The following PRKCSH variants were observed in gnomAD, a reference collection of about 807,000 sequenced individuals.
The protein encoded by PRKCSH is PRKCSH beta subunit of glucosidase II, also known as glucosidase 2 subunit beta.
Under a neutral mutation model 79.7 loss-of-function variants are expected in PRKCSH, and 42 were observed. The ratio of observed to expected loss-of-function variants is 0.53; its 90% confidence interval spans 0.41 to 0.68. The LOEUF is 0.68. Ranked by LOEUF, PRKCSH falls within the 30% of genes least tolerant of loss-of-function variation. PRKCSH has a pLI of 0.00. For synonymous variants in PRKCSH, 325 were observed against 288.2 expected, an observed-to-expected ratio of 1.13 and a Z score of -1.29; for missense variants, 686 against 709.0, an observed-to-expected ratio of 0.97 and a Z score of 0.37.
Position 11,438,144 on chromosome 19 carries a change from C to G in PRKCSH, c.350+20C>G, listed in dbSNP as rs1275204933. 2 of 1,612,988 alleles carry G rather than the reference C, an allele frequency of 1.2e-6. No individual in the cohort carries two copies. Among genetic ancestry groups the G allele is most frequent in the African/African-American group, 1.3e-5 (1 of 74,878 alleles). On this transcript the variant is annotated intron_variant, in intron 5 of 17. Transcript: ENST00000677123. ...CTGCAAGTACGTGGGTGACAGTACCCCTCCCATCACCCCACCCCAAGACTT... is the reference window on the plus strand; with the variant it reads ...CTGCAAGTACGTGGGTGACAGTACCGCTCCCATCACCCCACCCCAAGACTT...
At chr19:11,440,033 TA>T (rs1568363038) in intron 5 of PRKCSH, among the ~76,000 whole-genome samples, 4 of 150,132 alleles carry the variant, frequency 2.7e-5, no homozygotes, top group African/African-American at 9.8e-5. Flanking sequence ...TGCAGTGAGC[TA>T]AAAAGTAAAA....
intron 7 of PRKCSH, among the ~76,000 whole-genome samples, chr19:11,444,206 G>GTGT (rs1970192369): frequency 6.6e-6 from 1 of 152,200 alleles, no homozygotes; most frequent in African/African-American, 2.4e-5. Flanking sequence ...AATCTTTGTC[G>GTGT]TGTTGCAAGC....
chr19:11,448,796 T>C lies in PRKCSH; in HGVS notation c.1287-118T>C, dbSNP rs1970447503. The C allele has an allele frequency of 7.2e-7, 1 of 1,397,258 alleles. No individual in the cohort carries two copies. Among genetic ancestry groups the C allele is most frequent in the African/African-American group, 1.4e-5 (1 of 70,612 alleles). 86.6% of individuals were successfully genotyped at this position (1,397,258 alleles called of 1,614,324 possible). A position where few individuals can be genotyped will look rare whatever the true frequency, so the allele number is the denominator to read the frequency against. Reference sequence around the variant, plus strand: ...AGAAGCCAGGGGCCAGGTTTAGGGTTGGTCATTGGAGTTGGAGGTACCCTG... The same window carrying C: ...AGAAGCCAGGGGCCAGGTTTAGGGTCGGTCATTGGAGTTGGAGGTACCCTG... On this transcript the variant is annotated intron_variant, in intron 14 of 17. Coordinates refer to ENST00000677123, the MANE Select transcript of PRKCSH (RefSeq NM_001289104.2). The surrounding 1 kb of genome is among the most constrained non-coding windows in gnomAD (Gnocchi z 4.4).
chr19:11,435,937 A>G (rs755967581), intron 1 of PRKCSH, 104 bp from the exon 2 acceptor site: 53 of 978,214 alleles, frequency 5.4e-5, no homozygotes, highest in Non-Finnish European at 8.2e-5. Flanking sequence ...CCTCGCCCCC[A>G]TATCGGAAAC....
At position 11,448,274 on chromosome 19, in the gene PRKCSH, C is replaced by A; in HGVS notation, c.1179C>A (p.Asp393Glu). The stretch of plus-strand genomic sequence containing the variant: ...AGGAGGCCGAGCGGTCGCTGAAGGA[C>A]ATGGAGGAGTCCATCAGGTAGCGGG... ...KFEEAERSLKDMEESIRNLEQ... is the reference protein window; with the variant it reads ...KFEEAERSLKEMEESIRNLEQ... Residue 393 changes from aspartate to glutamate, a missense_variant, in exon 13 of 18, where the codon GAC becomes GAA. Physicochemically the swap from Asp to Glu is conservative, Grantham distance 45 (BLOSUM62 2). Coordinates refer to ENST00000677123, the MANE Select transcript of PRKCSH (RefSeq NM_001289104.2). This position sits in a 1 kb window ranked among gnomAD's most constrained non-coding sequence, Gnocchi z 4.4. 6.4e-7 allele frequency: 1 copy of A among 1,573,230 alleles called. No homozygotes were observed. Among genetic ancestry groups the A allele is most frequent in the Admixed American group, 1.9e-5 (1 of 53,578 alleles).
At position 11,447,608 on chromosome 19, in the gene PRKCSH, A is replaced by G. The variant is rs756542157; in HGVS notation, c.1019A>G (p.Glu340Gly). The change falls in exon 11 of 18, where the codon GAG becomes GGG. Residue 340 changes from glutamate to glycine, a missense_variant. Glu to Gly is a moderately conservative substitution (Grantham distance 98). Coordinates refer to ENST00000677123, the MANE Select transcript of PRKCSH (RefSeq NM_001289104.2). This position sits in a 1 kb window ranked among gnomAD's most constrained non-coding sequence, Gnocchi z 5.6. ...EEEEDSEVQG[E>G]QPKEAPPPLS... ...GAGGAGGATTCCGAGGTGCAGGGGGAGCAGCCCAAGGTCCGTGTTTGGGGG... is the reference window on the plus strand; with the variant it reads ...GAGGAGGATTCCGAGGTGCAGGGGGGGCAGCCCAAGGTCCGTGTTTGGGGG... 6.3e-7 allele frequency: 1 copy of G among 1,586,824 alleles called. No homozygotes were observed. Among genetic ancestry groups the G allele is most frequent in the Admixed American group, 1.8e-5 (1 of 55,162 alleles).
intron 9 of PRKCSH, among the ~76,000 whole-genome samples, chr19:11,446,596 T>C (rs1970314265): frequency 6.8e-6 from 1 of 148,096 alleles, no homozygotes. Context: ...CCAATCCCCT[T>C]CCTCCCCCAC....
chr19:11,447,451 G>C lies in PRKCSH; in HGVS notation c.862G>C (p.Asp288His). 1 of 1,613,872 alleles carries C rather than the reference G, an allele frequency of 6.2e-7. No individual in the cohort carries two copies. Among genetic ancestry groups the C allele is most frequent in the Non-Finnish European group, 8.5e-7 (1 of 1,180,002 alleles). ...DKYRSEALPT[D>H]LPAPSAPDLT... Reference sequence around the variant, plus strand: ...GCTCACCCGCCAGGCACTGCCCACCGACCTTCCAGCACCTTCTGCCCCTGA... The same window carrying C: ...GCTCACCCGCCAGGCACTGCCCACCCACCTTCCAGCACCTTCTGCCCCTGA... The change falls in exon 11 of 18, where the codon GAC becomes CAC. Residue 288 changes from aspartate to histidine, a missense_variant. By Grantham distance (81) the Asp-to-His change is moderately conservative. Transcript: ENST00000677123. The surrounding 1 kb of genome is among the most constrained non-coding windows in gnomAD (Gnocchi z 5.6).
chr19:11,437,300 A>G (rs145305145), intron 3 of PRKCSH, among the ~76,000 whole-genome samples: 3,742 of 151,098 alleles, frequency 0.025, 138 homozygotes, highest in African/African-American at 0.086. Context: ...GGCCTCCCAA[A>G]GTGTTGGGAT....
Position 11,447,618 on chromosome 19 carries a change from G to A in PRKCSH, c.1029G>A (p.Lys343=), listed in dbSNP as rs1270491793. The A allele has an allele frequency of 5.7e-6, 9 of 1,584,374 alleles. No homozygotes were observed. In the African/African-American group the frequency reaches 9.4e-5, roughly 17 times the overall value. ...CCGAGGTGCAGGGGGAGCAGCCCAA[G>A]GTCCGTGTTTGGGGGAGAAGTGGAG... The part of the protein sequence containing the change: ...EDSEVQGEQP[K]EAPPPLSPPQ... The change falls in exon 11 of 18, where the codon AAG becomes AAA. Residue 343 remains lysine (K), a splice_region_variant and synonymous_variant. Coordinates refer to ENST00000677123, the MANE Select transcript of PRKCSH (RefSeq NM_001289104.2). This position sits in a 1 kb window ranked among gnomAD's most constrained non-coding sequence, Gnocchi z 5.6.
Position 11,447,957 on chromosome 19 carries a change from C to A in PRKCSH, c.1126+168C>A. 1 of 873,380 alleles carries A rather than the reference C, an allele frequency of 1.1e-6. No individual in the cohort carries two copies. Among genetic ancestry groups the A allele is most frequent in the Non-Finnish European group, 1.7e-6 (1 of 581,000 alleles). 54.1% of individuals were successfully genotyped at this position (873,380 alleles called of 1,614,324 possible). ...GGGCCTAGGGTAAGCCAGTCCCACC[C>A]TCGCCAGCCCCAAGGGGCCCTTCTG... On this transcript the variant is annotated intron_variant, in intron 12 of 17. Coordinates refer to ENST00000677123, the MANE Select transcript of PRKCSH (RefSeq NM_001289104.2). The surrounding 1 kb of genome is among the most constrained non-coding windows in gnomAD (Gnocchi z 5.6).
chr19:11,443,059 A>C (rs982108919), intron 7 of PRKCSH, among the ~76,000 whole-genome samples: 1 of 152,090 alleles, frequency 6.6e-6, no homozygotes, highest in Non-Finnish European at 1.5e-5. Flanking sequence ...AGCAGGACTT[A>C]GTTAATCCAG....
Position 11,446,370 on chromosome 19 carries a change from G to C in PRKCSH, c.762+20G>C, listed in dbSNP as rs1970299606. The C allele has an allele frequency of 6.2e-7, 1 of 1,608,862 alleles. No individual in the cohort carries two copies. Among genetic ancestry groups the C allele is most frequent in the Admixed American group, 1.7e-5 (1 of 59,168 alleles). On this transcript the variant is annotated intron_variant, in intron 9 of 17. Transcript: ENST00000677123. ...GCTCAGGTACCCCCGGCTGCCCCTT[G>C]GTTGGGGACTTCTAGGGAGCATTGC...
intron 3 of PRKCSH, 121 bp downstream of exon 3, chr19:11,436,626 C>T: frequency 3.4e-6 from 3 of 875,076 alleles, no homozygotes; most frequent in Non-Finnish European, 5.5e-6. Flanking sequence ...GAAACAAGCT[C>T]AGAAGTCAGT....
chr19:11,448,114 C>T lies in PRKCSH; in HGVS notation c.1127-108C>T. 4.8e-6 allele frequency: 6 copies of T among 1,242,596 alleles called. No individual in the cohort carries two copies. The highest frequency in any genetic ancestry group is 6.9e-6 in the Non-Finnish European group (6 of 867,376). 77.0% of individuals were successfully genotyped at this position (1,242,596 alleles called of 1,614,324 possible). ...AAGGCTGTCGGGGTGAAGTCCTTGG[C>T]CAGAGCAAAATGAGGGTATGGGAGC... On this transcript the variant is annotated intron_variant, in intron 12 of 17. Coordinates refer to ENST00000677123, the MANE Select transcript of PRKCSH (RefSeq NM_001289104.2). This position sits in a 1 kb window ranked among gnomAD's most constrained non-coding sequence, Gnocchi z 4.4.
At chr19:11,443,748 C>T (rs1172125095) in intron 7 of PRKCSH, among the ~76,000 whole-genome samples, 1 of 152,018 alleles carries the variant, frequency 6.6e-6, no homozygotes, top group Non-Finnish European at 1.5e-5. Flanking sequence ...TGGGGTTTGG[C>T]CCTTTGTCTG....
At chr19:11,441,088 G>C in intron 5 of PRKCSH, 152 bp from the exon 6 acceptor site, 1 of 792,588 alleles carries the variant, frequency 1.3e-6, no homozygotes, top group East Asian at 2.5e-5. Context: ...GAAGGATGCT[G>C]ATGTTGAGAG....
At position 11,446,411 on chromosome 19, in the gene PRKCSH, G is replaced by T. The variant is rs2144841618; in HGVS notation, c.762+61G>T. 1.9e-6 allele frequency: 3 copies of T among 1,545,918 alleles called. No individual in the cohort carries two copies. In the East Asian group the frequency reaches 7.1e-5, roughly 37 times the overall value. ...GGAGCATTGCCCCAGGGTGACCTCA[G>T]GGCACAGGAGGGGGACCAAGGAAAG... On this transcript the variant is annotated intron_variant, in intron 9 of 17. Transcript: ENST00000677123.
intron 4 of PRKCSH, 30 bp from the exon 5 acceptor site, chr19:11,438,037 G>A: frequency 6.2e-7 from 1 of 1,614,140 alleles, no homozygotes; most frequent in Non-Finnish European, 8.5e-7. Flanking sequence ...GCACTGCCAG[G>A]TCTGATCTTG....
Sources: gnomAD v4.1 joint callset for allele counts (sites outside exome capture counted in the v4.1 genomes callset) on GRCh38, gnomAD v4.1.1 for gene constraint, Gnocchi (gnomAD v3.1) non-coding constraint, MANE v1.5 for transcripts, NCBI Gene and HGNC (gene_info 2026-07-23, HGNC 2026-07-21) for gene names.